Variants in PLAA observed in about 807,000 individuals in gnomAD.
The protein encoded by PLAA is phospholipase A2 activating protein, also known as phospholipase A-2-activating protein.
Under a neutral mutation model 84.1 loss-of-function variants are expected in PLAA, and 48 were observed. That is an observed-to-expected ratio of 0.57 (90% confidence interval 0.45 to 0.73). PLAA has a LOEUF of 0.73. PLAA is among the 30% of genes least tolerant of loss of function. The pLI is 0.00. For missense variants in PLAA, 903 were observed against 954.7 expected (o/e 0.95, Z 0.71); for synonymous variants, 392 against 336.6 (o/e 1.16, Z -1.80).
chr9:26,904,471 T>C lies in PLAA; in HGVS notation c.*1040A>G, dbSNP rs1028939007. The C allele has an allele frequency of 1.3e-5, 2 of 152,166 alleles. No homozygotes were observed. Among genetic ancestry groups the C allele is most frequent in the African/African-American group, 4.8e-5 (2 of 41,456 alleles). The allele number at this position is 152,166 out of a possible 1,614,324, so 9.4% of individuals were successfully genotyped here. Reference sequence around the variant, plus strand: ...TGTGATCTCTCTAGAAAGTATAGCATAGCATGTACTTTAAGTAGTTAACTC... The same window carrying C: ...TGTGATCTCTCTAGAAAGTATAGCACAGCATGTACTTTAAGTAGTTAACTC... On this transcript the variant is annotated 3_prime_UTR_variant, in exon 14 of 14. Transcript: ENST00000397292.
chr9:26,918,120 T>G (rs1284401407), intron 9 of PLAA, among the ~76,000 whole-genome samples: 1 of 152,114 alleles, frequency 6.6e-6, no homozygotes, highest in Non-Finnish European at 1.5e-5. Context: ...TAAAATTTTT[T>G]GATTTTTTTC....
chr9:26,925,616 T>C lies in PLAA; in HGVS notation c.869+209A>G, dbSNP rs527728177. ...TACAATACTGGTATATCATGCATCA[T>C]TGACTGCACAATTGCAGTACAATAC... On this transcript the variant is annotated intron_variant, in intron 6 of 13. Transcript: ENST00000397292. Among the ~76,000 whole-genome samples the C allele has an allele frequency of 2.2e-4, 33 of 151,438 alleles. No individual in the cohort carries two copies. In the East Asian group the frequency reaches 3.5e-3, roughly 16 times the overall value.
intron 1 of PLAA, among the ~76,000 whole-genome samples, chr9:26,944,593 T>TA (rs144646777): frequency 0.058 from 8,896 of 152,196 alleles, 346 homozygotes; most frequent in Middle Eastern, 0.15. Context: ...TGAGCATTTT[T>TA]AAAAAAATCA....
Position 26,925,853 on chromosome 9 carries a change from C to T in PLAA, c.841G>A (p.Asp281Asn), listed in dbSNP as rs138585651. ...AQSIWCCCVL[D>N]NGDIVVGASD... is the part of the protein sequence containing the mutation. Reference sequence around the variant, plus strand: ...GCACCAACCACAATGTCACCATTGTCGAGCACACAGCAGCACCATATAGAC... The same window carrying T: ...GCACCAACCACAATGTCACCATTGTTGAGCACACAGCAGCACCATATAGAC... The change falls in exon 6 of 14, where the codon GAC (aspartate) becomes AAC (asparagine). Residue 281 changes from aspartate to asparagine, a missense_variant. By Grantham distance (23) the Asp-to-Asn change is conservative. Transcript: ENST00000397292. The T allele has an allele frequency of 1.0e-4, 166 of 1,613,860 alleles. No homozygotes were observed. In the African/African-American group the frequency reaches 1.9e-3, roughly 19 times the overall value.
Position 26,905,455 on chromosome 9 carries a change from A to C in PLAA, c.*56T>G. 1 of 1,251,902 alleles carries C rather than the reference A, an allele frequency of 8.0e-7. No individual in the cohort carries two copies. The highest frequency in any genetic ancestry group is 1.1e-6 in the Non-Finnish European group (1 of 886,710). The allele number at this position is 1,251,902 out of a possible 1,614,324, so 77.5% of individuals were successfully genotyped here. A position where few individuals can be genotyped will look rare whatever the true frequency, so the allele number is the denominator to read the frequency against. On this transcript the variant is annotated 3_prime_UTR_variant, in exon 14 of 14. Coordinates refer to ENST00000397292, the MANE Select transcript of PLAA (RefSeq NM_001031689.3). ...TTAATTATCTGTTATCAGTCATGTC[A>C]AATGTGAGGAAAAAAACACTAATCA...
At chr9:26,913,821 A>G in intron 11 of PLAA, 58 bp downstream of exon 11, 1 of 1,250,554 alleles carries the variant, frequency 8.0e-7, no homozygotes, top group South Asian at 1.4e-5. Context: ...TCTTTTTATT[A>G]AAGTTCCAAC....
intron 1 of PLAA, among the ~76,000 whole-genome samples, chr9:26,944,101 T>C (rs1422091662): frequency 6.6e-6 from 1 of 152,172 alleles, no homozygotes; most frequent in East Asian, 1.9e-4. Flanking sequence ...CCGCCATGAA[T>C]AGATTAATGT....
intron 13 of PLAA, 40 bp from the exon 14 acceptor site, chr9:26,906,116 AG>A: frequency 7.7e-7 from 1 of 1,303,438 alleles, no homozygotes. Flanking sequence ...ATGAAAATAA[AG>A]AAAATTTCTT....
In PLAA at chr9:26,910,421, G is replaced by A. The variant is rs1349140929; in HGVS notation, c.1574C>T (p.Ser525Leu). 1.2e-6 allele frequency: 2 copies of A among 1,612,188 alleles called. No individual in the cohort carries two copies. Among genetic ancestry groups the A allele is most frequent in the East Asian group, 2.2e-5 (1 of 44,758 alleles). Residue 525 changes from serine to leucine, a missense_variant, in exon 12 of 14, where the codon TCA becomes TTA. By Grantham distance (145) the Ser-to-Leu change is moderately radical. Coordinates refer to ENST00000397292, the MANE Select transcript of PLAA (RefSeq NM_001031689.3). Reference protein sequence around the residue: ...DPFTGNSAYRSAASKTMNIYF... With the variant: ...DPFTGNSAYRLAASKTMNIYF... ...AATATTCATTGTTTTAGATGCAGCT[G>A]ATCGGTAGGCACTATTCCCTATTTA...
rs898979311 is a variant in PLAA at position 26,904,795 on chromosome 9, C to A, written c.*716G>T. 2 of 152,268 alleles carry A rather than the reference C, an allele frequency of 1.3e-5. No homozygotes were observed. Among genetic ancestry groups the A allele is most frequent in the Non-Finnish European group, 2.9e-5 (2 of 67,980 alleles). The allele number at this position is 152,268 out of a possible 1,614,324, so 9.4% of individuals were successfully genotyped here. The stretch of plus-strand genomic sequence containing the variant: ...ATGACAAAAATAAACAGCCAAATAT[C>A]AAAACTAGAATGAAAAATGAAGTTA... On this transcript the variant is annotated 3_prime_UTR_variant, in exon 14 of 14. Transcript: ENST00000397292.
intron 1 of PLAA, among the ~76,000 whole-genome samples, chr9:26,939,465 A>G (rs1157917746): frequency 6.8e-6 from 1 of 147,656 alleles, no homozygotes; most frequent in Non-Finnish European, 1.5e-5. Context: ...AGAAGACAGT[A>G]ATGCAGGAGA....
At chr9:26,940,927 G>T (rs1010619191) in intron 1 of PLAA, among the ~76,000 whole-genome samples, 2 of 152,110 alleles carry the variant, frequency 1.3e-5, no homozygotes, top group African/African-American at 4.8e-5. Flanking sequence ...GATAGAACAT[G>T]TTTTAAAATC....
Position 26,925,977 on chromosome 9 carries a change from T to A in PLAA, c.734-17A>T. 1.3e-6 allele frequency: 2 copies of A among 1,597,578 alleles called. No homozygotes were observed. The highest frequency in any genetic ancestry group is 2.2e-5 in the South Asian group (2 of 90,626). On this transcript the variant is annotated splice_polypyrimidine_tract_variant and intron_variant, in intron 5 of 13. Coordinates refer to ENST00000397292, the MANE Select transcript of PLAA (RefSeq NM_001031689.3). Reference sequence around the variant, plus strand: ...TCACAAAGTCTAAAATTAATGAATATAGGAAGTATTAGTTTGAATAAAATT... The same window carrying A: ...TCACAAAGTCTAAAATTAATGAATAAAGGAAGTATTAGTTTGAATAAAATT...
At chr9:26,941,330 G>A (rs1191861480) in intron 1 of PLAA, among the ~76,000 whole-genome samples, 1 of 152,050 alleles carries the variant, frequency 6.6e-6, no homozygotes, top group African/African-American at 2.4e-5. Context: ...TGTGAAGAAT[G>A]TGTATATTCC....
At position 26,905,992 on chromosome 9, in the gene PLAA, C is replaced by G; in HGVS notation, c.1907G>C (p.Gly636Ala). 6.2e-7 allele frequency: 1 copy of G among 1,613,638 alleles called. No homozygotes were observed. Among genetic ancestry groups the G allele is most frequent in the Non-Finnish European group, 8.5e-7 (1 of 1,179,738 alleles). Reference sequence around the variant, plus strand: ...GATAAGATGACTGCTGAACTGAGCCCCTTCCTTTTCATTGCAGAAGTTCTC... The same window carrying G: ...GATAAGATGACTGCTGAACTGAGCCGCTTCCTTTTCATTGCAGAAGTTCTC... ...VNENFCNEKE[G>A]AQFSSHLINL... Residue 636 changes from glycine to alanine, a missense_variant, in exon 14 of 14, where the codon GGG becomes GCG. Coordinates refer to ENST00000397292, the MANE Select transcript of PLAA (RefSeq NM_001031689.3).
rs1194926157 is a variant in PLAA, at chr9:26,947,153, G to A, written c.-108C>T. The A allele has an allele frequency of 6.1e-6, 8 of 1,302,280 alleles. No individual in the cohort carries two copies. The East Asian group carries it at 2.1e-4, about 34-fold the overall frequency. The allele number at this position is 1,302,280 out of a possible 1,614,324, so 80.7% of individuals were successfully genotyped here. On this transcript the variant is annotated 5_prime_UTR_variant, in exon 1 of 14. Coordinates refer to ENST00000397292, the MANE Select transcript of PLAA (RefSeq NM_001031689.3). Reference sequence around the variant, plus strand: ...GCGGGAGAAGAGCCTGCAGGTAAGGGGCGGCCGGAGACCGGAAGAGCCCGA... The same window carrying A: ...GCGGGAGAAGAGCCTGCAGGTAAGGAGCGGCCGGAGACCGGAAGAGCCCGA...
chr9:26,946,765 G>A lies in PLAA; in HGVS notation c.149+132C>T, dbSNP rs576190959. 74 of 1,043,934 alleles carry A rather than the reference G, an allele frequency of 7.1e-5. 1 individual carries two copies. Among genetic ancestry groups the A allele is most frequent in the Non-Finnish European group, 8.8e-5 (65 of 742,814 alleles). 64.7% of individuals were successfully genotyped at this position (1,043,934 alleles called of 1,614,324 possible). A position where few individuals can be genotyped will look rare whatever the true frequency, so the allele number is the denominator to read the frequency against. On this transcript the variant is annotated intron_variant, in intron 1 of 13. Coordinates refer to ENST00000397292, the MANE Select transcript of PLAA (RefSeq NM_001031689.3). Reference sequence around the variant, plus strand: ...ACAGAGTTCTAATAGTCTGAGAATTGGAAGGGAGCGGAGAGCAGAGGGAAG... The same window carrying A: ...ACAGAGTTCTAATAGTCTGAGAATTAGAAGGGAGCGGAGAGCAGAGGGAAG...
intron 11 of PLAA, 108 bp from the exon 12 acceptor site, chr9:26,910,547 G>C (rs983794158): frequency 1.5e-6 from 1 of 651,036 alleles, no homozygotes; most frequent in African/African-American, 1.8e-5. Context: ...CAACTATTCA[G>C]TGCGTGCAAT....
Position 26,905,419 on chromosome 9 carries a change from A to T in PLAA, c.*92T>A. On this transcript the variant is annotated 3_prime_UTR_variant, in exon 14 of 14. Coordinates refer to ENST00000397292, the MANE Select transcript of PLAA (RefSeq NM_001031689.3). ...TGTAAAATTTTACTTAATCCACCGT[A>T]TTCTCTTTTTTTAATTATCTGTTAT... The T allele has an allele frequency of 1.0e-6, 1 of 996,530 alleles. No individual in the cohort carries two copies. Among genetic ancestry groups the T allele is most frequent in the Non-Finnish European group, 1.5e-6 (1 of 672,552 alleles). 61.7% of individuals were successfully genotyped at this position (996,530 alleles called of 1,614,324 possible). A position where few individuals can be genotyped will look rare whatever the true frequency, so the allele number is the denominator to read the frequency against.
Sources: allele counts gnomAD v4.1 joint callset (sites outside exome capture counted in the v4.1 genomes callset), GRCh38; gene constraint gnomAD v4.1.1; transcripts MANE v1.5; gene names NCBI Gene and HGNC (gene_info 2026-07-23, HGNC 2026-07-21).